Variants in DCLK1 observed in about 807,000 individuals in gnomAD.
DCLK1 encodes doublecortin like kinase 1.
A neutral mutation model predicts 86.2 loss-of-function variants in DCLK1; 16 were observed. The ratio of observed to expected loss-of-function variants is 0.19; its 90% CI spans 0.13 to 0.28. DCLK1 has a LOEUF of 0.28. Among genes scored for constraint, DCLK1 ranks in the 10% least tolerant of loss-of-function variants. The pLI, the probability that DCLK1 is intolerant of heterozygous loss-of-function variation, is 1.00. For missense variants in DCLK1, 590 were observed against 940.2 expected (o/e 0.63, Z 4.87); for synonymous variants, 369 against 370.5 (o/e 1.00, Z 0.05).
intron 3 of DCLK1, among the ~76,000 whole-genome samples, chr13:36,096,278 G>A (rs546435411): frequency 6.6e-5 from 10 of 152,268 alleles, no homozygotes; most frequent in Admixed American, 2.0e-4. Flanking sequence ...CATCTTGTAA[G>A]AGGCTTCACA....
At chr13:35,939,692 G>A (rs1261938021) in intron 4 of DCLK1, among the ~76,000 whole-genome samples, 3 of 152,140 alleles carry the variant, frequency 2.0e-5, no homozygotes, top group Non-Finnish European at 2.9e-5. Context: ...CACCATGCCC[G>A]GCCCTATACT....
intron 3 of DCLK1, among the ~76,000 whole-genome samples, chr13:36,061,369 T>C (rs2153159295): frequency 6.6e-6 from 1 of 152,262 alleles, no homozygotes; most frequent in African/African-American, 2.4e-5. Context: ...ATAAAGTATC[T>C]AAAGACAAAT....
intron 6 of DCLK1, chr13:35,849,236 T>C: frequency 2.0e-6 from 2 of 985,374 alleles, no homozygotes; most frequent in Non-Finnish European, 2.4e-6. Flanking sequence ...AACCAGATGG[T>C]AAAATTTGCT....
At chr13:35,904,190 T>G (rs1191560488) in intron 4 of DCLK1, among the ~76,000 whole-genome samples, 1 of 152,178 alleles carries the variant, frequency 6.6e-6, no homozygotes, top group Non-Finnish European at 1.5e-5. Context: ...TAAGGAAATT[T>G]CACTCAGCAG....
intron 3 of DCLK1, among the ~76,000 whole-genome samples, chr13:35,958,424 C>T (rs1378414010): frequency 7.0e-6 from 1 of 143,082 alleles, no homozygotes; most frequent in Non-Finnish European, 1.6e-5. Context: ...CCACCACCAT[C>T]ATCACTATAA....
At chr13:36,059,506 C>A (rs1461361168) in intron 3 of DCLK1, among the ~76,000 whole-genome samples, 2 of 152,108 alleles carry the variant, frequency 1.3e-5, no homozygotes, top group Non-Finnish European at 2.9e-5. Flanking sequence ...CTATTTTCTC[C>A]ACTAAACCCC....
chr13:35,947,864 G>A (rs1046197035), intron 3 of DCLK1, among the ~76,000 whole-genome samples: 4 of 152,054 alleles, frequency 2.6e-5, no homozygotes, highest in Non-Finnish European at 2.9e-5. Flanking sequence ...ATATACACAC[G>A]ATAATCACCA....
At chr13:35,868,061 T>C (rs1566577180) in intron 5 of DCLK1, among the ~76,000 whole-genome samples, 2 of 148,626 alleles carry the variant, frequency 1.3e-5, no homozygotes, top group East Asian at 2.0e-4. Flanking sequence ...CTTGCTCTGT[T>C]GCCCAGGCTG....
chr13:35,897,553 T>A (rs1874079132), intron 4 of DCLK1, among the ~76,000 whole-genome samples: 1 of 152,208 alleles, frequency 6.6e-6, no homozygotes, highest in Non-Finnish European at 1.5e-5. Context: ...TAAGCCATAT[T>A]CTTGGAGAAC....
intron 4 of DCLK1, among the ~76,000 whole-genome samples, chr13:35,895,749 A>C (rs1008258680): frequency 1.1e-4 from 17 of 151,746 alleles, no homozygotes; most frequent in Non-Finnish European, 2.1e-4. Context: ...TATAGCAAAA[A>C]AAAACAAAAC....
At chr13:35,914,379 A>ATATATATATATG (rs1566600407) in intron 4 of DCLK1, among the ~76,000 whole-genome samples, 2 of 122,490 alleles carry the variant, frequency 1.6e-5, no homozygotes, top group Non-Finnish European at 3.3e-5. Flanking sequence ...GTATATATAT[A>ATATATATATATG]TATATATATA....
At position 35,810,889 on chromosome 13, in the gene DCLK1, T is replaced by A; in HGVS notation, c.1634A>T (p.Tyr545Phe). 1 of 1,614,098 alleles carries A rather than the reference T, an allele frequency of 6.2e-7. No individual in the cohort carries two copies. Among genetic ancestry groups the A allele is most frequent in the Non-Finnish European group, 8.5e-7 (1 of 1,179,964 alleles). Residue 545 changes from tyrosine to phenylalanine, a missense_variant, in exon 12 of 17, where the codon TAC becomes TTC. This residue lies in a region of DCLK1 where 28 missense variants were observed against 77.1 expected (regional missense o/e 0.36). Coordinates refer to ENST00000360631, the MANE Select transcript of DCLK1 (RefSeq NM_001330071.2). ...GTATGTTGGGGTGCCACAGACTGTG[T>A]ACAGGGGGCCGTCTACAATGGTGGC... ...GLATIVDGPL[Y>F]TVCGTPTYVA...
At chr13:35,963,203 C>T (rs1027390552) in intron 3 of DCLK1, among the ~76,000 whole-genome samples, 1 of 152,170 alleles carries the variant, frequency 6.6e-6, no homozygotes, top group African/African-American at 2.4e-5. Flanking sequence ...TGAACAATGT[C>T]TCTTCTAGCT....
intron 3 of DCLK1, among the ~76,000 whole-genome samples, chr13:36,004,747 T>G (rs946830806): frequency 4.6e-5 from 7 of 152,160 alleles, no homozygotes; most frequent in Non-Finnish European, 7.3e-5. Context: ...AGATAATTTT[T>G]GCATTTTTTT....
chr13:35,895,317 A>C (rs1276152185), intron 4 of DCLK1, among the ~76,000 whole-genome samples: 2 of 151,934 alleles, frequency 1.3e-5, no homozygotes, highest in East Asian at 3.9e-4. Context: ...ATGAAAATTC[A>C]CTGGATGGAT....
intron 4 of DCLK1, among the ~76,000 whole-genome samples, chr13:35,943,744 A>C (rs778925962): frequency 6.6e-6 from 1 of 152,194 alleles, no homozygotes; most frequent in Non-Finnish European, 1.5e-5. Context: ...GTCCCTCCCA[A>C]GCATGGGGTG....
chr13:35,777,102 C>G (rs1186128957), intron 16 of DCLK1, among the ~76,000 whole-genome samples: 1 of 152,186 alleles, frequency 6.6e-6, no homozygotes, highest in Non-Finnish European at 1.5e-5. Context: ...TTTCCCTACT[C>G]AGCAGCTTTC....
chr13:35,959,854 C>CGTGT (rs67600362), intron 3 of DCLK1, among the ~76,000 whole-genome samples: 2,111 of 149,342 alleles, frequency 0.014, 15 homozygotes, highest in Admixed American at 0.019. Context: ...TACAGCAAGT[C>CGTGT]GTGTGTGTGT....
intron 3 of DCLK1, among the ~76,000 whole-genome samples, chr13:36,095,258 T>C (rs891957899): frequency 1.2e-4 from 18 of 151,680 alleles, no homozygotes; most frequent in African/African-American, 4.4e-4. Context: ...CAGGCTAGAG[T>C]GCCGTGATGT....
Sources: allele counts gnomAD v4.1 joint callset (sites outside exome capture counted in the v4.1 genomes callset), GRCh38; gene constraint gnomAD v4.1.1; regional missense constraint gnomAD v4.1.1; transcripts MANE v1.5; gene names NCBI Gene and HGNC (gene_info 2026-07-23, HGNC 2026-07-21).